CACNA1E: variants seen among roughly 807,000 people sequenced by gnomAD.
CACNA1E encodes the protein calcium voltage-gated channel subunit alpha1 E, also known as voltage-dependent R-type calcium channel subunit alpha-1E.
CACNA1E carries 40 observed loss-of-function variants against 259.2 expected under a neutral mutation model. The ratio of observed to expected loss-of-function variants is 0.15; its 90% CI spans 0.12 to 0.20. The LOEUF is 0.20. CACNA1E is among the 10% of genes least tolerant of loss of function. CACNA1E has a pLI of 1.00. For synonymous variants in CACNA1E, 1,104 were observed against 1,138.5 expected (o/e 0.97, Z 0.61); for missense variants, 1,874 against 3,040.1 (o/e 0.62, Z 9.02).
intron 29 of CACNA1E, 45 bp from the exon 30 acceptor site, chr1:181,756,880 A>T: frequency 7.7e-7 from 1 of 1,303,510 alleles, no homozygotes; most frequent in Non-Finnish European, 1.1e-6. Flanking sequence ...TAACGAAGCC[A>T]AGACTGTCAT....
intron 1 of CACNA1E, among the ~76,000 whole-genome samples, chr1:181,403,845 T>C (rs1657274380): frequency 1.3e-5 from 2 of 152,164 alleles, no homozygotes. Context: ...GGGCTCCCTC[T>C]CCATTTCCTG....
intron 6 of CACNA1E, among the ~76,000 whole-genome samples, chr1:181,601,070 A>T (rs1653695066): frequency 6.6e-6 from 1 of 152,094 alleles, no homozygotes; most frequent in South Asian, 2.1e-4. Context: ...GGAAGTTATT[A>T]TGACAGGGGC....
chr1:181,744,228 C>A (rs1656851041), intron 25 of CACNA1E, among the ~76,000 whole-genome samples: 1 of 152,218 alleles, frequency 6.6e-6, no homozygotes, highest in Non-Finnish European at 1.5e-5. Context: ...GGATAAGGTC[C>A]ATTGAATGCA....
At chr1:181,399,019 T>A (rs1557971542) in intron 1 of CACNA1E, among the ~76,000 whole-genome samples, 1 of 152,124 alleles carries the variant, frequency 6.6e-6, no homozygotes, top group Non-Finnish European at 1.5e-5. Flanking sequence ...TTAGGGAGAA[T>A]CTCCTCTGCC....
At chr1:181,540,072 G>T (rs1668465564) in intron 3 of CACNA1E, among the ~76,000 whole-genome samples, 1 of 152,132 alleles carries the variant, frequency 6.6e-6, no homozygotes, top group Non-Finnish European at 1.5e-5. Context: ...ACATCCTGTT[G>T]TGTGCTTGTG....
intron 3 of CACNA1E, among the ~76,000 whole-genome samples, chr1:181,558,547 C>G (rs1041204595): frequency 6.6e-6 from 1 of 152,180 alleles, no homozygotes; most frequent in Non-Finnish European, 1.5e-5. Context: ...CAGTTTAAAC[C>G]TAGCCAGGGT....
chr1:181,533,791 A>G (rs1453530911), intron 3 of CACNA1E, among the ~76,000 whole-genome samples: 1 of 152,078 alleles, frequency 6.6e-6, no homozygotes, highest in African/African-American at 2.4e-5. Flanking sequence ...CATCTTTGTT[A>G]TAATTTTTCT....
intron 6 of CACNA1E, among the ~76,000 whole-genome samples, chr1:181,627,864 C>T (rs1380591278): frequency 2.6e-5 from 4 of 152,248 alleles, no homozygotes; most frequent in East Asian, 1.9e-4. Flanking sequence ...AACCGTCTCC[C>T]ACCCCATGTT....
chr1:181,641,651 C>G (rs1182071814), intron 6 of CACNA1E, among the ~76,000 whole-genome samples: 1 of 148,436 alleles, frequency 6.7e-6, no homozygotes, highest in African/African-American at 2.5e-5. Flanking sequence ...CAATCATGGT[C>G]TTCAACCTCG....
chr1:181,598,918 A>G (rs1425882952), intron 6 of CACNA1E, among the ~76,000 whole-genome samples: 1 of 148,010 alleles, frequency 6.8e-6, no homozygotes, highest in Non-Finnish European at 1.5e-5. Flanking sequence ...CTGTGGCCAC[A>G]CTGTTTCTGC....
chr1:181,520,587 A>G (rs892007249), intron 3 of CACNA1E, among the ~76,000 whole-genome samples: 8 of 152,218 alleles, frequency 5.3e-5, no homozygotes, highest in African/African-American at 1.9e-4. Context: ...CAAATTTTAA[A>G]ACTATGGTAA....
intron 16 of CACNA1E, among the ~76,000 whole-genome samples, chr1:181,722,660 A>T (rs1654516793): frequency 6.6e-6 from 1 of 152,180 alleles, no homozygotes; most frequent in Non-Finnish European, 1.5e-5. Flanking sequence ...ATTTATTTGC[A>T]TGTGATTTAT....
chr1:181,581,773 T>C (rs187380222), intron 6 of CACNA1E, among the ~76,000 whole-genome samples: 11 of 152,326 alleles, frequency 7.2e-5, no homozygotes, highest in Admixed American at 5.2e-4. Flanking sequence ...TACCCTTACC[T>C]GCATTCAGCC....
chr1:181,718,013 A>G (rs1261387690), intron 11 of CACNA1E, 42 bp from the exon 12 acceptor site: 2 of 978,120 alleles, frequency 2.0e-6, no homozygotes, highest in African/African-American at 3.2e-5. Flanking sequence ...GCATGAGCCC[A>G]CCCCACATGT....
chr1:181,448,435 T>A (rs1660935620), intron 2 of CACNA1E, among the ~76,000 whole-genome samples: 1 of 152,242 alleles, frequency 6.6e-6, no homozygotes, highest in African/African-American at 2.4e-5. Flanking sequence ...GGACTCAAGC[T>A]CAGGTGGCTA....
intron 6 of CACNA1E, among the ~76,000 whole-genome samples, chr1:181,606,457 C>T (rs914757042): frequency 6.6e-6 from 1 of 152,190 alleles, no homozygotes. Context: ...CGGCTGCGCC[C>T]AGTCCTCCCT....
chr1:181,737,343 C>T (rs1656137522), intron 22 of CACNA1E, among the ~76,000 whole-genome samples, 182 bp from the exon 23 acceptor site: 1 of 152,222 alleles, frequency 6.6e-6, no homozygotes. Context: ...ATCTGATTAC[C>T]TTCCTCCACT....
At chr1:181,372,080 C>G (rs1480892464) in intron 1 of CACNA1E, among the ~76,000 whole-genome samples, 2 of 152,022 alleles carry the variant, frequency 1.3e-5, no homozygotes, top group Non-Finnish European at 2.9e-5. Flanking sequence ...GGTATTTGGG[C>G]TTCTTTTTGG....
chr1:181,567,311 T>G (rs888855195), intron 3 of CACNA1E, among the ~76,000 whole-genome samples: 14 of 152,188 alleles, frequency 9.2e-5, no homozygotes, highest in African/African-American at 3.4e-4. Context: ...TCTACTCCCC[T>G]TCTCATCCTC....
Sources: gnomAD v4.1 joint callset for allele counts (sites outside exome capture counted in the v4.1 genomes callset) on GRCh38, gnomAD v4.1.1 for gene constraint, MANE v1.5 for transcripts, NCBI Gene and HGNC (gene_info 2026-07-23, HGNC 2026-07-21) for gene names.